Variants in PLCG1 observed in about 807,000 individuals in gnomAD.
PLCG1 encodes 1-phosphatidylinositol 4,5-bisphosphate phosphodiesterase gamma-1.
In PLCG1, 71 loss-of-function variants were observed where a neutral mutation model predicts 177.8. That is an observed-to-expected ratio of 0.40 (90% CI 0.33 to 0.49). PLCG1 has a LOEUF of 0.49. Ranked by LOEUF, PLCG1 falls within the 20% of genes least tolerant of loss-of-function variation. The probability of loss-of-function intolerance (pLI) is 0.72; values close to 1 mark genes in which losing one functional copy is unlikely to be tolerated. For synonymous variants in PLCG1, 658 were observed against 647.9 expected (o/e 1.02, Z -0.24); for missense variants, 1,281 against 1,709.0 (o/e 0.75, Z 4.42).
Position 41,174,417 on chromosome 20 carries a change from G to A in PLCG1, c.3834-50G>A, listed in dbSNP as rs775559780. On this transcript the variant is annotated intron_variant, in intron 31 of 31. Transcript: ENST00000685551. This position sits in a 1 kb window ranked among gnomAD's most constrained non-coding sequence, Gnocchi z 5.8. ...AAAAGTTGTAATATTGTCTGGCATT[G>A]GGCTGCAAGGCCCTGCCTGCCAGTA... 6.3e-6 allele frequency: 10 copies of A among 1,593,018 alleles called. No homozygotes were observed. Among genetic ancestry groups the A allele is most frequent in the Non-Finnish European group, 7.7e-6 (9 of 1,166,800 alleles).
chr20:41,166,406 G>A lies in PLCG1; in HGVS notation c.2000+12G>A, dbSNP rs1053120740. 6.2e-7 allele frequency: 1 copy of A among 1,613,936 alleles called. No homozygotes were observed. Among genetic ancestry groups the A allele is most frequent in the Admixed American group, 1.7e-5 (1 of 60,010 alleles). ...CACGAGAGCAAAGAGTGAGGGAAGG[G>A]CCTGGGGGCGGACAAGGCAGGGCAG... On this transcript the variant is annotated intron_variant, in intron 17 of 31. Transcript: ENST00000685551. The surrounding 1 kb of genome is among the most constrained non-coding windows in gnomAD (Gnocchi z 8.6).
chr20:41,161,858 C>CT (rs1263457812), intron 4 of PLCG1, among the ~76,000 whole-genome samples: 6 of 152,160 alleles, frequency 3.9e-5, no homozygotes, highest in Non-Finnish European at 7.3e-5. Context: ...CGCTTGTTCT[C>CT]TCAGTTTCTT....
In PLCG1 at chr20:41,174,119, T is replaced by G; in HGVS notation, c.3646-5T>G. On this transcript the variant is annotated splice_polypyrimidine_tract_variant and splice_region_variant and intron_variant, in intron 30 of 31. Transcript: ENST00000685551. This position sits in a 1 kb window ranked among gnomAD's most constrained non-coding sequence, Gnocchi z 5.8. ...GACCCTCTTGTGCACCTGGCTTCGT[T>G]GAAGCAGGAGAATGGTGACCTCAGT... 1 of 1,612,660 alleles carries G rather than the reference T, an allele frequency of 6.2e-7. No homozygotes were observed. Among genetic ancestry groups the G allele is most frequent in the Admixed American group, 1.7e-5 (1 of 59,982 alleles).
chr20:41,174,719 C>CAA lies in PLCG1; in HGVS notation c.*214_*215dup. The CAA allele has an allele frequency of 1.7e-6, 1 of 591,118 alleles. No homozygotes were observed. The highest frequency in any genetic ancestry group is 2.0e-5 in the South Asian group (1 of 50,830). The allele number at this position is 591,118 out of a possible 1,614,324, so 36.6% of individuals were successfully genotyped here. ...TCCATGCCCCAGCTCTGGATGAAGGCAAAAACTGTACTGTGTTTCGCATTA... is the reference window on the plus strand; with the variant it reads ...TCCATGCCCCAGCTCTGGATGAAGGCAAAAAAACTGTACTGTGTTTCGCATTA... On this transcript the variant is annotated 3_prime_UTR_variant, in exon 32 of 32. Coordinates refer to ENST00000685551, the MANE Select transcript of PLCG1 (RefSeq NM_002660.3). This position sits in a 1 kb window ranked among gnomAD's most constrained non-coding sequence, Gnocchi z 5.8.
In PLCG1 at chr20:41,159,453, C is replaced by CTCTTAT. The variant is rs372615953; in HGVS notation, c.218-151_218-146dup. Among the ~76,000 whole-genome samples, 40 of 152,302 alleles carry CTCTTAT rather than the reference C, an allele frequency of 2.6e-4. 3 individuals carry two copies. The highest frequency in any genetic ancestry group is 8.9e-4 in the African/African-American group (37 of 41,550). ...GCCTATCCCTAGACTCAACCCAGCCCTCTTATTACCAGAGTGACTGAGTGG... is the reference window on the plus strand; with the variant it reads ...GCCTATCCCTAGACTCAACCCAGCCCTCTTATTCTTATTACCAGAGTGACTGAGTGG... On this transcript the variant is annotated intron_variant, in intron 1 of 31. Transcript: ENST00000685551. This position sits in a 1 kb window ranked among gnomAD's most constrained non-coding sequence, Gnocchi z 6.0.
At chr20:41,162,352 A>G (rs1350892252) in intron 4 of PLCG1, 100 bp from the exon 5 acceptor site, 22 of 834,730 alleles carry the variant, frequency 2.6e-5, no homozygotes, top group Middle Eastern at 2.5e-4. Context: ...GGTTCCCAGA[A>G]TAGTGTTGTT....
chr20:41,176,707 C>T lies in PLCG1; in HGVS notation c.*2198C>T, dbSNP rs1263718199. The T allele has an allele frequency of 1.3e-5, 2 of 150,522 alleles. No homozygotes were observed. The highest frequency in any genetic ancestry group is 4.9e-5 in the African/African-American group (2 of 41,070). 9.3% of individuals were successfully genotyped at this position (150,522 alleles called of 1,614,324 possible). ...CCTCACTGCAAATGTTTTGATTGTT[C>T]TTCCTAGTGGAAAACGTGCCAACTC... On this transcript the variant is annotated 3_prime_UTR_variant, in exon 32 of 32. Transcript: ENST00000685551.
chr20:41,152,543 G>A (rs2035198281), intron 1 of PLCG1, among the ~76,000 whole-genome samples: 2 of 152,258 alleles, frequency 1.3e-5, no homozygotes, highest in Non-Finnish European at 2.9e-5. Flanking sequence ...CTTCCAGGAA[G>A]CCATCCTTGA....
rs1274250468 is a variant in PLCG1, at chr20:41,147,589, G to A, written c.217+9731G>A. Among the ~76,000 whole-genome samples, 2 of 152,146 alleles carry A rather than the reference G, an allele frequency of 1.3e-5. No homozygotes were observed. Among genetic ancestry groups the A allele is most frequent in the African/African-American group, 4.8e-5 (2 of 41,444 alleles). ...AGCTGGGCTGGGCACGGTGGCTCAC[G>A]CCTGTAATCCCAGCACTTTGGGAGG... On this transcript the variant is annotated intron_variant, in intron 1 of 31. Coordinates refer to ENST00000685551, the MANE Select transcript of PLCG1 (RefSeq NM_002660.3). This position sits in a 1 kb window ranked among gnomAD's most constrained non-coding sequence, Gnocchi z 4.0.
Position 41,176,296 on chromosome 20 carries a change from C to CTTTCT in PLCG1, c.*1791_*1795dup, listed in dbSNP as rs1396437652. The CTTTCT allele has an allele frequency of 3.3e-5, 5 of 152,300 alleles. No homozygotes were observed. Among genetic ancestry groups the CTTTCT allele is most frequent in the African/African-American group, 4.8e-5 (2 of 41,560 alleles). The allele number at this position is 152,300 out of a possible 1,614,324, so 9.4% of individuals were successfully genotyped here. A position where few individuals can be genotyped will look rare whatever the true frequency, so the allele number is the denominator to read the frequency against. On this transcript the variant is annotated 3_prime_UTR_variant, in exon 32 of 32. Transcript: ENST00000685551. Reference sequence around the variant, plus strand: ...CGATAGTGCTCAGGTTCTTGTGTGACTTTCTTTTACAGCTTCACAGTCCCA... The same window carrying CTTTCT: ...CGATAGTGCTCAGGTTCTTGTGTGACTTTCTTTTCTTTTACAGCTTCACAGTCCCA...
Position 41,173,281 on chromosome 20 carries a change from A to AG in PLCG1, c.3280-136dup. The AG allele has an allele frequency of 2.4e-6, 2 of 834,356 alleles. No homozygotes were observed. Among genetic ancestry groups the AG allele is most frequent in the Non-Finnish European group, 3.7e-6 (2 of 542,960 alleles). 51.7% of individuals were successfully genotyped at this position (834,356 alleles called of 1,614,324 possible). On this transcript the variant is annotated intron_variant, in intron 27 of 31. Transcript: ENST00000685551. This position sits in a 1 kb window ranked among gnomAD's most constrained non-coding sequence, Gnocchi z 6.2. Reference sequence around the variant, plus strand: ...ACAGCTTAGGGTCCCTGATGTCGTGAGGGACTCCATGGGCAGTGTCCCGGG... The same window carrying AG: ...ACAGCTTAGGGTCCCTGATGTCGTGAGGGGACTCCATGGGCAGTGTCCCGGG...
At position 41,172,352 on chromosome 20, in the gene PLCG1, GTATT is replaced by G. The variant is rs2035929192; in HGVS notation, c.2905+66_2906-63del. 6.3e-7 allele frequency: 1 copy of G among 1,577,986 alleles called. No homozygotes were observed. Among genetic ancestry groups the G allele is most frequent in the Non-Finnish European group, 8.7e-7 (1 of 1,147,062 alleles). ...GGAGGGCCTGGTGGGTGCAAAAAGA[GTATT>G]TAGGTATCCCCCCAACACTTCCTGG... On this transcript the variant is annotated intron_variant, in intron 25 of 31. Transcript: ENST00000685551. This position sits in a 1 kb window ranked among gnomAD's most constrained non-coding sequence, Gnocchi z 7.0.
chr20:41,175,992 A>C lies in PLCG1; in HGVS notation c.*1483A>C, dbSNP rs2036055280. The C allele has an allele frequency of 6.6e-6, 1 of 152,212 alleles. No individual in the cohort carries two copies. The highest frequency in any genetic ancestry group is 2.4e-5 in the African/African-American group (1 of 41,452). 9.4% of individuals were successfully genotyped at this position (152,212 alleles called of 1,614,324 possible). A position where few individuals can be genotyped will look rare whatever the true frequency, so the allele number is the denominator to read the frequency against. ...CCAGCCAGTTTTGGTGGTGAGCTGG[A>C]AACAACCAGAGCCCCTTTCCAGTTC... is the stretch of plus-strand genomic sequence containing the variant. On this transcript the variant is annotated 3_prime_UTR_variant, in exon 32 of 32. Coordinates refer to ENST00000685551, the MANE Select transcript of PLCG1 (RefSeq NM_002660.3).
chr20:41,144,705 A>G lies in PLCG1; in HGVS notation c.217+6847A>G, dbSNP rs1709138218. ...ACAACTCAAGAGCATGCATTCATTC[A>G]TGTGCTCTTTAATTTGTCATACATT... On this transcript the variant is annotated intron_variant, in intron 1 of 31. Coordinates refer to ENST00000685551, the MANE Select transcript of PLCG1 (RefSeq NM_002660.3). This position sits in a 1 kb window ranked among gnomAD's most constrained non-coding sequence, Gnocchi z 4.1. 6.6e-6 allele frequency among the ~76,000 whole-genome samples: 1 copy of G among 152,122 alleles called. No homozygotes were observed. Among genetic ancestry groups the G allele is most frequent in the Admixed American group, 6.5e-5 (1 of 15,274 alleles).
intron 24 of PLCG1, chr20:41,170,953 C>G (rs1218684022): frequency 6.6e-6 from 1 of 152,474 alleles, no homozygotes; most frequent in African/African-American, 2.4e-5. Flanking sequence ...TGAGCAGGCT[C>G]TCATGCAGAT....
Position 41,165,062 on chromosome 20 carries a change from C to G in PLCG1, c.1347C>G (p.Leu449=). 1 of 1,607,876 alleles carries G rather than the reference C, an allele frequency of 6.2e-7. No individual in the cohort carries two copies. The part of the protein sequence containing the change: ...TKPVEISADG[L]PSPNQLKRKI... ...CCGTGGAGATCTCTGCCGACGGGCT[C>G]CCCTCACCCAACCAGCTTAAGAGGA... Residue 449 remains leucine (L), a synonymous_variant, in exon 13 of 32, where the codon CTC becomes CTG. Coordinates refer to ENST00000685551, the MANE Select transcript of PLCG1 (RefSeq NM_002660.3). This position sits in a 1 kb window ranked among gnomAD's most constrained non-coding sequence, Gnocchi z 6.6.
chr20:41,159,931 A>G lies in PLCG1; in HGVS notation c.432A>G (p.Thr144=). 2 of 1,614,084 alleles carry G rather than the reference A, an allele frequency of 1.2e-6. No individual in the cohort carries two copies. Among genetic ancestry groups the G allele is most frequent in the East Asian group, 2.2e-5 (1 of 44,876 alleles). ...GCTTAACTTGGCTGATGGAGGATAC[A>G]TTGCAGGCACCCACACCCCTGCAGA... ...IKGLTWLMED[T]LQAPTPLQIE... is the part of the protein sequence containing the mutation. Residue 144 remains threonine (T), a synonymous_variant, in exon 3 of 32, where the codon ACA becomes ACG. Transcript: ENST00000685551. The surrounding 1 kb of genome is among the most constrained non-coding windows in gnomAD (Gnocchi z 6.0).
intron 1 of PLCG1, among the ~76,000 whole-genome samples, chr20:41,145,546 C>T (rs2034970574): frequency 1.3e-5 from 2 of 152,186 alleles, no homozygotes; most frequent in South Asian, 4.1e-4. Context: ...CTGTTGTGGC[C>T]ACAGTATCCT....
rs2035173933 is a variant in PLCG1, at chr20:41,151,775, C to T, written c.218-7831C>T. The stretch of plus-strand genomic sequence containing the variant: ...CCTGGCTACTATTGCATCAGGCTTC[C>T]TTCCCACCTGTGTCCAGGTCCTATC... On this transcript the variant is annotated intron_variant, in intron 1 of 31. Coordinates refer to ENST00000685551, the MANE Select transcript of PLCG1 (RefSeq NM_002660.3). This position sits in a 1 kb window ranked among gnomAD's most constrained non-coding sequence, Gnocchi z 5.5. Among the ~76,000 whole-genome samples the T allele has an allele frequency of 6.6e-6, 1 of 152,224 alleles. No individual in the cohort carries two copies. The highest frequency in any genetic ancestry group is 1.5e-5 in the Non-Finnish European group (1 of 68,034).
Sources: allele counts gnomAD v4.1 joint callset (sites outside exome capture counted in the v4.1 genomes callset), GRCh38; gene constraint gnomAD v4.1.1; non-coding constraint Gnocchi (gnomAD v3.1); transcripts MANE v1.5; gene names NCBI Gene and HGNC (gene_info 2026-07-23, HGNC 2026-07-21).